PRLR: variants seen among roughly 807,000 people sequenced by gnomAD.
The protein encoded by PRLR is prolactin receptor.
In PRLR, 13 loss-of-function variants were observed where a neutral mutation model predicts 40.2. The observed-to-expected ratio is 0.32, with a 90% CI of 0.21 to 0.51. The LOEUF (loss-of-function observed/expected upper bound fraction) is 0.51, where lower values mean the gene tolerates loss of function less well. Among genes scored for constraint, PRLR ranks in the 20% least tolerant of loss-of-function variants. The probability of loss-of-function intolerance (pLI) is 0.97; values close to 1 mark genes in which losing one functional copy is unlikely to be tolerated. For synonymous variants in PRLR, 269 were observed against 278.7 expected (o/e 0.97, Z 0.35); for missense variants, 656 against 747.3 (o/e 0.88, Z 1.42).
intron 1 of PRLR, among the ~76,000 whole-genome samples, chr5:35,142,486 G>A (rs1405685380): frequency 6.6e-6 from 1 of 152,202 alleles, no homozygotes; most frequent in African/African-American, 2.4e-5. Context: ...TTAATAATGA[G>A]CACTTCTAAA....
intron 1 of PRLR, among the ~76,000 whole-genome samples, chr5:35,198,222 G>A (rs7703435): frequency 6.6e-6 from 1 of 152,196 alleles, no homozygotes; most frequent in South Asian, 2.1e-4. Context: ...GATTGAGAAG[G>A]CTTGCCCCAG....
chr5:35,085,417 G>A (rs1445792605), intron 4 of PRLR, among the ~76,000 whole-genome samples: 3 of 152,194 alleles, frequency 2.0e-5, no homozygotes, highest in Admixed American at 2.0e-4. Context: ...TTCTGAAGAA[G>A]AATGCAGCTC....
At chr5:35,208,175 G>GCACACACACACA (rs1381286643) in intron 1 of PRLR, among the ~76,000 whole-genome samples, 1 of 145,346 alleles carries the variant, frequency 6.9e-6, no homozygotes, top group Non-Finnish European at 1.5e-5. Context: ...ACCCACGCGC[G>GCACACACACACA]CGCACACACA....
chr5:35,053,731 T>C (rs1561245689), downstream of PRLR, among the ~76,000 whole-genome samples: 1 of 152,206 alleles, frequency 6.6e-6, no homozygotes, highest in South Asian at 2.1e-4. Context: ...ATTATAAAGA[T>C]GTAACTTCTG....
rs138624154 is a variant in PRLR at position 35,213,817 on chromosome 5, C to T, written c.-106+16451G>A. Among the ~76,000 whole-genome samples, 237 of 152,280 alleles carry T rather than the reference C, an allele frequency of 1.6e-3. 4 individuals are homozygous for T. Among genetic ancestry groups the T allele is most frequent in the Admixed American group, 0.014 (219 of 15,300 alleles). On this transcript the variant is annotated intron_variant, in intron 1 of 9. Transcript: ENST00000618457. ...GTTTAGTGAGTCACAAAACCCATAT[C>T]ATTTCATCTCTCACAAATGGAAACA...
At chr5:35,153,684 G>T (rs1774401774) in intron 1 of PRLR, among the ~76,000 whole-genome samples, 1 of 149,164 alleles carries the variant, frequency 6.7e-6, no homozygotes, top group Non-Finnish European at 1.5e-5. Context: ...CCCATTTCTT[G>T]CTCATTGCTC....
At chr5:35,125,780 C>G (rs187477372) in intron 1 of PRLR, among the ~76,000 whole-genome samples, 2 of 152,256 alleles carry the variant, frequency 1.3e-5, no homozygotes, top group Non-Finnish European at 2.9e-5. Flanking sequence ...GATCAGTAGC[C>G]AAAATTGTTC....
chr5:35,112,541 G>A (rs562405558), intron 2 of PRLR, among the ~76,000 whole-genome samples: 2 of 152,206 alleles, frequency 1.3e-5, no homozygotes, highest in East Asian at 3.9e-4. Flanking sequence ...GAAATTCAAA[G>A]GCAGGTGGGC....
intron 2 of PRLR, among the ~76,000 whole-genome samples, chr5:35,113,450 TATCCATCC>T (rs375477215): frequency 0.025 from 2,646 of 105,332 alleles, 79 homozygotes; most frequent in East Asian, 0.13. Flanking sequence ...CCCACCCACC[TATCCATCC>T]ATCCATCCAT....
Position 35,177,408 on chromosome 5 carries a change from A to G in PRLR, c.-106+52860T>C, listed in dbSNP as rs911747355. Among the ~76,000 whole-genome samples, 4 of 152,242 alleles carry G rather than the reference A, an allele frequency of 2.6e-5. No homozygotes were observed. In the South Asian group the frequency reaches 8.3e-4, roughly 32 times the overall value. ...GGCTGTGGATCCATTACTACAATCA[A>G]TTTTAAAACATTTTTTTCACCACCT... On this transcript the variant is annotated intron_variant, in intron 1 of 9. Transcript: ENST00000618457.
chr5:35,059,499 A>T lies in PRLR; in HGVS notation c.*5590T>A, dbSNP rs1028083944. 5 of 152,274 alleles carry T rather than the reference A, an allele frequency of 3.3e-5. No individual in the cohort carries two copies. The highest frequency in any genetic ancestry group is 1.2e-4 in the African/African-American group (5 of 41,564). 9.4% of individuals were successfully genotyped at this position (152,274 alleles called of 1,614,324 possible). ...AAAATCTGTTCAGAACACTGAACAG[A>T]TTTAGATTTACCATAGCCAATAAAA... is the stretch of plus-strand genomic sequence containing the variant. On this transcript the variant is annotated 3_prime_UTR_variant, in exon 10 of 10. Transcript: ENST00000618457.
At chr5:35,051,208 G>A (rs1189696937), downstream of PRLR, among the ~76,000 whole-genome samples, 2 of 152,202 alleles carry the variant, frequency 1.3e-5, no homozygotes, top group Non-Finnish European at 2.9e-5. Context: ...TAATCCCCAA[G>A]AGGCTGGAGA....
At chr5:35,088,997 C>A (rs1317833387) in intron 3 of PRLR, among the ~76,000 whole-genome samples, 1 of 152,208 alleles carries the variant, frequency 6.6e-6, no homozygotes, top group Non-Finnish European at 1.5e-5. Context: ...CAGAAATGCA[C>A]ATGGGTTGAC....
rs780472625 is a variant in PRLR at position 35,072,635 on chromosome 5, A to C, written c.483T>G (p.Thr161=). 6.2e-7 allele frequency: 1 copy of C among 1,614,136 alleles called. No homozygotes were observed. The highest frequency in any genetic ancestry group is 2.2e-5 in the East Asian group (1 of 44,870). Reference sequence around the variant, plus strand: ...TTTCATACAGGAGCGTGAACCAACCAGTTTTTAAGTCAATCAGGGTAGGTG... The same window carrying C: ...TTTCATACAGGAGCGTGAACCAACCCGTTTTTAAGTCAATCAGGGTAGGTG... ...WSPPTLIDLK[T]GWFTLLYEIR... The change falls in exon 6 of 10, where the codon ACT becomes ACG. Residue 161 remains threonine, a synonymous_variant. Transcript: ENST00000618457.
intron 1 of PRLR, among the ~76,000 whole-genome samples, chr5:35,207,840 C>A (rs1435806593): frequency 1.3e-5 from 2 of 151,856 alleles, no homozygotes; most frequent in African/African-American, 4.8e-5. Flanking sequence ...GACGCATTGG[C>A]AAGAATAGGT....
chr5:35,064,163 T>C lies in PRLR; in HGVS notation c.*926A>G, dbSNP rs1052376777. The C allele has an allele frequency of 6.6e-6, 1 of 152,212 alleles. No homozygotes were observed. The highest frequency in any genetic ancestry group is 6.5e-5 in the Admixed American group (1 of 15,280). The allele number at this position is 152,212 out of a possible 1,614,324, so 9.4% of individuals were successfully genotyped here. Reference sequence around the variant, plus strand: ...AAAATAGTCTTTTATTTTACCTAAGTCATAGAAAAATAGTCTTCAAAAATA... The same window carrying C: ...AAAATAGTCTTTTATTTTACCTAAGCCATAGAAAAATAGTCTTCAAAAATA... On this transcript the variant is annotated 3_prime_UTR_variant, in exon 10 of 10. Coordinates refer to ENST00000618457, the MANE Select transcript of PRLR (RefSeq NM_000949.7).
At chr5:35,103,573 T>TA in intron 2 of PRLR, among the ~76,000 whole-genome samples, 1 of 152,308 alleles carries the variant, frequency 6.6e-6, no homozygotes, top group East Asian at 1.9e-4. Flanking sequence ...CATTAATGTT[T>TA]AAAAAAAGAG....
chr5:35,081,480 A>G, intron 5 of PRLR: 1 of 180,592 alleles, frequency 5.5e-6, no homozygotes, highest in Non-Finnish European at 1.2e-5. Flanking sequence ...AAAGGTGGTG[A>G]AGCAGGCATC....
Position 35,055,896 on chromosome 5 carries a change from A to G in PRLR, c.*9193T>C, listed in dbSNP as rs949406884. 9 of 152,216 alleles carry G rather than the reference A, an allele frequency of 5.9e-5. No individual in the cohort carries two copies. Among genetic ancestry groups the G allele is most frequent in the African/African-American group, 2.2e-4 (9 of 41,460 alleles). 9.4% of individuals were successfully genotyped at this position (152,216 alleles called of 1,614,324 possible). On this transcript the variant is annotated 3_prime_UTR_variant, in exon 10 of 10. Coordinates refer to ENST00000618457, the MANE Select transcript of PRLR (RefSeq NM_000949.7). ...ACCCTGTAATTTTTAATAACTTTATAAGGAGCAAATGTGTCACCTTAAAAA... is the reference window on the plus strand; with the variant it reads ...ACCCTGTAATTTTTAATAACTTTATGAGGAGCAAATGTGTCACCTTAAAAA...
Sources: allele counts gnomAD v4.1 joint callset (sites outside exome capture counted in the v4.1 genomes callset), GRCh38; gene constraint gnomAD v4.1.1; transcripts MANE v1.5; gene names NCBI Gene and HGNC (gene_info 2026-07-23, HGNC 2026-07-21).